The following NEB variants were observed in gnomAD, a reference collection of about 807,000 sequenced individuals.
NEB encodes nebulin.
A neutral mutation model predicts 952.2 loss-of-function variants in NEB; 512 were observed. That is an observed-to-expected ratio of 0.54 (90% CI 0.50 to 0.58). The LOEUF (loss-of-function observed/expected upper bound fraction) is 0.58. NEB is among the 20% of genes least tolerant of loss of function. NEB has a pLI of 0.00. For missense variants in NEB, 8,428 were observed against 9,231.1 expected (o/e 0.91, Z 3.56); for synonymous variants, 2,900 against 3,149.8 (o/e 0.92, Z 2.66).
At chr2:151,695,531 G>T in intron 18 of NEB, 47 bp downstream of exon 18, 1 of 1,364,508 alleles carries the variant, frequency 7.3e-7, no homozygotes, top group South Asian at 1.2e-5. Flanking sequence ...AAACATAAAA[G>T]CACAGGTTGT....
Position 151,627,775 on chromosome 2 carries a change from A to G in NEB, c.9891T>C (p.Ile3297=), listed in dbSNP as rs780867218. The change falls in exon 69 of 182, where the codon ATT becomes ATC. Residue 3297 remains isoleucine, a synonymous_variant. Transcript: ENST00000397345. ...QLGHHIGARN[I]EDDPKMMWSM... The stretch of plus-strand genomic sequence containing the variant: ...ACCACATCATCTTGGGGTCATCTTC[A>G]ATGTTCCGGGCTCCAATGTGGTGGC... 3 of 1,613,940 alleles carry G rather than the reference A, an allele frequency of 1.9e-6. No homozygotes were observed. The highest frequency in any genetic ancestry group is 1.7e-6 in the Non-Finnish European group (2 of 1,179,882).
intron 67 of NEB, among the ~76,000 whole-genome samples, chr2:151,630,072 C>T (rs1380979384): frequency 6.6e-6 from 1 of 151,606 alleles, no homozygotes; most frequent in Non-Finnish European, 1.5e-5. Flanking sequence ...ATTTTTATTA[C>T]CTACAATTTG....
At chr2:151,513,754 T>C in intron 159 of NEB, 61 bp from the exon 160 acceptor site, 3 of 1,155,164 alleles carry the variant, frequency 2.6e-6, no homozygotes, top group Admixed American at 2.0e-5. Flanking sequence ...GTAATAAACA[T>C]ACAGGGTGAA....
At position 151,692,145 on chromosome 2, in the gene NEB, C is replaced by T. The variant is rs775553284; in HGVS notation, c.2020G>A (p.Val674Ile). 78 of 1,613,490 alleles carry T rather than the reference C, an allele frequency of 4.8e-5. No homozygotes were observed. Among genetic ancestry groups the T allele is most frequent in the Non-Finnish European group, 3.7e-5 (44 of 1,179,554 alleles). The change falls in exon 22 of 182, where the codon GTA (valine) becomes ATA (isoleucine). Residue 674 changes from valine (V) to isoleucine (I), a missense_variant. Coordinates refer to ENST00000397345, the MANE Select transcript of NEB (RefSeq NM_001164508.2). ...ACATAATGTCCCAAAACATCCTTTA[C>T]ATATAAGTCTTTATATCTAGCCTGA... Reference protein sequence around the residue: ...FSEARYKDLYVKDVLGHYVGS... With the variant: ...FSEARYKDLYIKDVLGHYVGS...
intron 76 of NEB, 134 bp from the exon 77 acceptor site, chr2:151,614,721 T>G: frequency 8.9e-7 from 1 of 1,127,764 alleles, no homozygotes; most frequent in South Asian, 1.6e-5. Flanking sequence ...TCATCAACCC[T>G]ATTTTTAAAA....
intron 10 of NEB, among the ~76,000 whole-genome samples, chr2:151,713,136 A>T (rs907323416): frequency 6.6e-6 from 1 of 152,106 alleles, no homozygotes; most frequent in African/African-American, 2.4e-5. Context: ...GGGGACTTCC[A>T]TGGGGCCACA....
In NEB at chr2:151,485,879, AG is replaced by A. The variant is rs1446563712; in HGVS notation, c.25458del (p.Phe8487SerfsTer8). The A allele has an allele frequency of 6.2e-7, 1 of 1,613,978 alleles. No homozygotes were observed. The highest frequency in any genetic ancestry group is 1.7e-5 in the Admixed American group (1 of 60,020). ...TTTATGATGGCATCTCCATCCTTGA[AG>A]GACACCTCATCTGCATCAGCAGCCA... ...DYMAADADEVSFKDGDAIINV... is the reference protein window; with the variant it reads ...DYMAADADEVXFKDGDAIINV... On this transcript the variant is annotated frameshift_variant, in exon 182 of 182. Transcript: ENST00000397345. LOFTEE classifies it high-confidence loss of function.
intron 157 of NEB, among the ~76,000 whole-genome samples, 177 bp from the exon 158 acceptor site, chr2:151,515,105 C>A (rs1417274824): frequency 1.3e-5 from 2 of 152,122 alleles, no homozygotes; most frequent in Non-Finnish European, 2.9e-5. Context: ...TTGTCTGGAG[C>A]AAATGGCCAC....
chr2:151,526,138 C>T lies in NEB; in HGVS notation c.22050+20G>A, dbSNP rs758004610. ...GTTCTCCCAAGAGGGAAGCAGAACTCATGGGCGGCTGGGGGTTACCTCAGA... is the reference window on the plus strand; with the variant it reads ...GTTCTCCCAAGAGGGAAGCAGAACTTATGGGCGGCTGGGGGTTACCTCAGA... On this transcript the variant is annotated intron_variant, in intron 149 of 181. Transcript: ENST00000397345. 1.2e-6 allele frequency: 2 copies of T among 1,613,194 alleles called. No homozygotes were observed. The highest frequency in any genetic ancestry group is 1.7e-6 in the Non-Finnish European group (2 of 1,179,182).
rs2099595431 is a variant in NEB, at chr2:151,696,298, T to C, written c.1569+339A>G. 6.6e-6 allele frequency among the ~76,000 whole-genome samples: 1 copy of C among 152,168 alleles called. No homozygotes were observed. The highest frequency in any genetic ancestry group is 1.5e-5 in the Non-Finnish European group (1 of 68,036). On this transcript the variant is annotated intron_variant, in intron 17 of 181. Transcript: ENST00000397345. ...ACTTACTCTTCAAAACAGCCACAAA[T>C]TATAAAATGGAAATATCAGGCAGAG...
intron 54 of NEB, among the ~76,000 whole-genome samples, chr2:151,647,147 G>T (rs2098970477): frequency 6.6e-6 from 1 of 151,340 alleles, no homozygotes; most frequent in Non-Finnish European, 1.5e-5. Context: ...TTTCACTCTT[G>T]TTGCCCATGC....
intron 57 of NEB, 102 bp downstream of exon 57, chr2:151,643,716 T>C: frequency 2.0e-6 from 3 of 1,519,830 alleles, no homozygotes; most frequent in Non-Finnish European, 2.7e-6. Flanking sequence ...TGGGCATTAG[T>C]CCAGGGTAAT....
In NEB at chr2:151,690,972, T is replaced by A. The variant is rs533383355; in HGVS notation, c.2212-147A>T. On this transcript the variant is annotated intron_variant, in intron 23 of 181. Coordinates refer to ENST00000397345, the MANE Select transcript of NEB (RefSeq NM_001164508.2). ...GTTTATATTCTCACTTCTCTGTCTGTCTCTCTCTCTCTCTCTCTTTTTCCT... is the reference window on the plus strand; with the variant it reads ...GTTTATATTCTCACTTCTCTGTCTGACTCTCTCTCTCTCTCTCTTTTTCCT... 5.9e-4 allele frequency: 156 copies of A among 266,096 alleles called. No homozygotes were observed. In the South Asian group the frequency reaches 9.1e-3, roughly 16 times the overall value. 16.5% of individuals were successfully genotyped at this position (266,096 alleles called of 1,614,324 possible).
chr2:151,721,064 T>C (rs1284727202), intron 9 of NEB, among the ~76,000 whole-genome samples: 1 of 152,204 alleles, frequency 6.6e-6, no homozygotes, highest in Admixed American at 6.5e-5. Flanking sequence ...CCTCTAGGGC[T>C]TCTTTCTCTC....
At chr2:151,651,545 ATATGT>A (rs2099029728) in intron 52 of NEB, among the ~76,000 whole-genome samples, 2 of 152,210 alleles carry the variant, frequency 1.3e-5, no homozygotes, top group Non-Finnish European at 1.5e-5. Flanking sequence ...AAATAACTAA[ATATGT>A]TAGATTAGGA....
chr2:151,697,477 T>G lies in NEB; in HGVS notation c.1258-20A>C, dbSNP rs768419840. On this transcript the variant is annotated intron_variant, in intron 14 of 181. Coordinates refer to ENST00000397345, the MANE Select transcript of NEB (RefSeq NM_001164508.2). ...TTTTTTCTGCAAGACAAAACATACT[T>G]CATTTATTAATTGGTGAAATAATGG... 3.2e-5 allele frequency: 52 copies of G among 1,606,868 alleles called. No homozygotes were observed. Among genetic ancestry groups the G allele is most frequent in the Non-Finnish European group, 4.3e-5 (50 of 1,174,758 alleles).
intron 78 of NEB, 87 bp from the exon 79 acceptor site, chr2:151,610,953 G>T: frequency 1.2e-6 from 1 of 817,282 alleles, no homozygotes; most frequent in Non-Finnish European, 1.9e-6. Flanking sequence ...ACAGTTGTTA[G>T]CAAATTTAAC....
chr2:151,626,077 T>C (rs953801988), intron 70 of NEB, among the ~76,000 whole-genome samples: 3 of 152,152 alleles, frequency 2.0e-5, no homozygotes, highest in African/African-American at 2.4e-5. Flanking sequence ...TATCTCTAGA[T>C]TTCTTTTTGA....
At chr2:151,624,937 A>T (rs1273651620) in intron 71 of NEB, among the ~76,000 whole-genome samples, 1 of 152,190 alleles carries the variant, frequency 6.6e-6, no homozygotes, top group Admixed American at 6.5e-5. Flanking sequence ...AGGCAATTTG[A>T]AATGGGTGAA....
Sources: allele counts gnomAD v4.1 joint callset (sites outside exome capture counted in the v4.1 genomes callset), GRCh38; gene constraint gnomAD v4.1.1; transcripts MANE v1.5; gene names NCBI Gene and HGNC (gene_info 2026-07-23, HGNC 2026-07-21).